IQUB: variants seen among roughly 807,000 people sequenced by gnomAD.
IQUB encodes the protein IQ motif and ubiquitin domain containing.
Under a neutral mutation model 86.4 loss-of-function variants are expected in IQUB, and 86 were observed. That is an observed-to-expected ratio of 1.00 (90% CI 0.84 to 1.19). IQUB has a LOEUF of 1.19. Ranked by LOEUF, IQUB falls within the 50% of genes most tolerant of loss-of-function variation. The pLI, the probability that IQUB is intolerant of heterozygous loss-of-function variation, is 0.00. For missense variants in IQUB, 946 were observed against 916.9 expected, an observed-to-expected ratio of 1.03 and a Z score of -0.41; for synonymous variants, 289 against 304.5, an observed-to-expected ratio of 0.95 and a Z score of 0.53.
intron 3 of IQUB, among the ~76,000 whole-genome samples, chr7:123,505,583 G>C (rs920833689): frequency 4.6e-5 from 7 of 152,312 alleles, no homozygotes; most frequent in Admixed American, 4.6e-4. Flanking sequence ...GCAATGGCCT[G>C]AGGCATATCT....
Position 123,452,572 on chromosome 7 carries a change from A to G in IQUB, c.*171T>C, listed in dbSNP as rs1584533894. 1 of 404,160 alleles carries G rather than the reference A, an allele frequency of 2.5e-6. No individual in the cohort carries two copies. The highest frequency in any genetic ancestry group is 2.1e-5 in the African/African-American group (1 of 48,764). The allele number at this position is 404,160 out of a possible 1,614,324, so 25.0% of individuals were successfully genotyped here. On this transcript the variant is annotated 3_prime_UTR_variant, in exon 13 of 13. Coordinates refer to ENST00000324698, the MANE Select transcript of IQUB (RefSeq NM_178827.5). Reference sequence around the variant, plus strand: ...ATTTAGCACCAACTTCCTAACAAAGAATACTTACTTATATAGAAATGTTTT... The same window carrying G: ...ATTTAGCACCAACTTCCTAACAAAGGATACTTACTTATATAGAAATGTTTT...
At chr7:123,529,751 A>T (rs1797437353) in intron 1 of IQUB, among the ~76,000 whole-genome samples, 2 of 148,038 alleles carry the variant, frequency 1.4e-5, no homozygotes, top group African/African-American at 5.0e-5. Flanking sequence ...AAAAAAAAAA[A>T]CAGGCTAGGT....
At chr7:123,524,562 C>T (rs1426987785) in intron 1 of IQUB, among the ~76,000 whole-genome samples, 2 of 147,304 alleles carry the variant, frequency 1.4e-5, no homozygotes, top group East Asian at 2.0e-4. Context: ...TATCCTGAGA[C>T]TTTGCTGAAA....
intron 3 of IQUB, among the ~76,000 whole-genome samples, chr7:123,506,930 C>T (rs1308174476): frequency 6.6e-6 from 1 of 152,150 alleles, no homozygotes; most frequent in Non-Finnish European, 1.5e-5. Context: ...CCCATCTGCC[C>T]AGCCACTGGT....
chr7:123,517,010 T>C (rs1272990721), intron 1 of IQUB, among the ~76,000 whole-genome samples: 1 of 152,110 alleles, frequency 6.6e-6, no homozygotes, highest in Non-Finnish European at 1.5e-5. Context: ...TAGCATGAGC[T>C]TTATATTCAC....
intron 12 of IQUB, among the ~76,000 whole-genome samples, chr7:123,456,243 A>G (rs1584539824): frequency 6.6e-6 from 1 of 152,218 alleles, no homozygotes; most frequent in East Asian, 1.9e-4. Context: ...TTAAATGCAC[A>G]AAGGGAGTTG....
chr7:123,491,247 C>T (rs1341979518), intron 7 of IQUB, among the ~76,000 whole-genome samples: 2 of 152,120 alleles, frequency 1.3e-5, no homozygotes, highest in South Asian at 2.1e-4. Context: ...CAGCACCAAA[C>T]ACCTATAATT....
chr7:123,508,167 T>C (rs147114027), intron 3 of IQUB, among the ~76,000 whole-genome samples: 1 of 152,290 alleles, frequency 6.6e-6, no homozygotes, highest in Non-Finnish European at 1.5e-5. Flanking sequence ...CAGTTCTGGC[T>C]TTTAAAACGG....
chr7:123,524,653 C>T (rs1010426052), intron 1 of IQUB, among the ~76,000 whole-genome samples: 1 of 151,232 alleles, frequency 6.6e-6, no homozygotes, highest in Non-Finnish European at 1.5e-5. Flanking sequence ...CAAACAGGGA[C>T]AATTTGACTT....
At chr7:123,488,013 T>A (rs1026474282) in intron 7 of IQUB, among the ~76,000 whole-genome samples, 5 of 151,998 alleles carry the variant, frequency 3.3e-5, no homozygotes, top group African/African-American at 4.8e-5. Context: ...CTGAAAAAAA[T>A]TTCTATTATT....
chr7:123,493,762 T>A (rs1795589799), intron 7 of IQUB, among the ~76,000 whole-genome samples: 1 of 150,178 alleles, frequency 6.7e-6, no homozygotes, highest in Non-Finnish European at 1.5e-5. Flanking sequence ...TGTGTGTGTG[T>A]GTGTGTGTGT....
chr7:123,492,228 C>G (rs1795504825), intron 7 of IQUB, among the ~76,000 whole-genome samples: 1 of 152,092 alleles, frequency 6.6e-6, no homozygotes, highest in Admixed American at 6.6e-5. Flanking sequence ...CCTGAATGGA[C>G]TACGAACTTA....
intron 1 of IQUB, among the ~76,000 whole-genome samples, chr7:123,519,905 A>G (rs908238612): frequency 3.3e-5 from 5 of 152,214 alleles, no homozygotes; most frequent in Non-Finnish European, 7.3e-5. Context: ...CTCAATAAAT[A>G]TGTACAATTA....
At chr7:123,483,299 G>A (rs1389718867) in intron 7 of IQUB, among the ~76,000 whole-genome samples, 1 of 151,910 alleles carries the variant, frequency 6.6e-6, no homozygotes, top group African/African-American at 2.4e-5. Context: ...TTTCAGTGTG[G>A]ACTTATCAGC....
intron 11 of IQUB, chr7:123,459,790 T>C (rs964877764): frequency 3.3e-5 from 5 of 152,036 alleles, no homozygotes; most frequent in Non-Finnish European, 7.4e-5. Flanking sequence ...CAAGGAAATA[T>C]ACATCTGTCA....
At chr7:123,473,663 C>T (rs1400958170) in intron 8 of IQUB, among the ~76,000 whole-genome samples, 1 of 152,096 alleles carries the variant, frequency 6.6e-6, no homozygotes, top group Non-Finnish European at 1.5e-5. Flanking sequence ...GCAGCTTCCA[C>T]CTCCCGGGTT....
At chr7:123,517,775 C>G (rs1171314978) in intron 1 of IQUB, among the ~76,000 whole-genome samples, 2 of 152,024 alleles carry the variant, frequency 1.3e-5, no homozygotes, top group African/African-American at 4.8e-5. Flanking sequence ...TAAGAATAAC[C>G]ATTTCACAAC....
At chr7:123,476,413 A>C (rs1323058974) in intron 8 of IQUB, among the ~76,000 whole-genome samples, 1 of 152,186 alleles carries the variant, frequency 6.6e-6, no homozygotes, top group Non-Finnish European at 1.5e-5. Context: ...TGGGATATGC[A>C]AGTAATCAAG....
intron 1 of IQUB, among the ~76,000 whole-genome samples, chr7:123,531,431 T>C (rs1797534826): frequency 6.6e-6 from 1 of 152,102 alleles, no homozygotes; most frequent in South Asian, 2.1e-4. Context: ...AAAAAAACCG[T>C]AAAACATAAT....
Sources: allele counts gnomAD v4.1 joint callset (sites outside exome capture counted in the v4.1 genomes callset), GRCh38; gene constraint gnomAD v4.1.1; transcripts MANE v1.5; gene names NCBI Gene and HGNC (gene_info 2026-07-23, HGNC 2026-07-21).